GLCE: variants seen among roughly 807,000 people sequenced by gnomAD.
GLCE encodes the protein glucuronic acid epimerase.
Under a neutral mutation model 47.9 loss-of-function variants are expected in GLCE, and 19 were observed. The ratio of observed to expected loss-of-function variants is 0.40; its 90% CI spans 0.28 to 0.58. GLCE has a LOEUF of 0.58. Ranked by LOEUF, GLCE falls within the 20% of genes least tolerant of loss-of-function variation. GLCE has a pLI of 0.48. For synonymous variants in GLCE, 245 were observed against 263.4 expected, an observed-to-expected ratio of 0.93 and a Z score of 0.68; for missense variants, 556 against 743.3, an observed-to-expected ratio of 0.75 and a Z score of 2.93.
chr15:69,224,514 G>A (rs1267419001), intron 2 of GLCE, among the ~76,000 whole-genome samples: 1 of 152,132 alleles, frequency 6.6e-6, no homozygotes, highest in Non-Finnish European at 1.5e-5. Flanking sequence ...GGGAGCAGGG[G>A]GGCTCTTGCA....
At chr15:69,234,714 A>G (rs1045388778) in intron 2 of GLCE, among the ~76,000 whole-genome samples, 9 of 152,228 alleles carry the variant, frequency 5.9e-5, no homozygotes, top group African/African-American at 2.2e-4. Context: ...GGTCTTAAGC[A>G]GGAGGTTAAT....
intron 1 of GLCE, among the ~76,000 whole-genome samples, chr15:69,201,108 C>T (rs1415484685): frequency 1.3e-5 from 2 of 152,134 alleles, no homozygotes; most frequent in African/African-American, 4.8e-5. Context: ...CACCTTCTGT[C>T]TTCCTCTTCC....
chr15:69,227,768 C>T (rs1478432895), intron 2 of GLCE, among the ~76,000 whole-genome samples: 1 of 152,122 alleles, frequency 6.6e-6, no homozygotes, highest in East Asian at 1.9e-4. Flanking sequence ...TATAAAAGCA[C>T]ATTAAGGAAT....
At chr15:69,205,171 C>T (rs2052133432) in intron 1 of GLCE, among the ~76,000 whole-genome samples, 1 of 151,902 alleles carries the variant, frequency 6.6e-6, no homozygotes, top group South Asian at 2.1e-4. Context: ...CCCCCCCACC[C>T]CTCAATACCT....
chr15:69,226,225 A>G (rs996778109), intron 2 of GLCE, among the ~76,000 whole-genome samples: 2 of 152,240 alleles, frequency 1.3e-5, no homozygotes, highest in Non-Finnish European at 2.9e-5. Flanking sequence ...TCTATTCCAG[A>G]TTATGAACAT....
intron 2 of GLCE, among the ~76,000 whole-genome samples, chr15:69,247,413 G>C (rs1489700429): frequency 1.3e-5 from 2 of 152,154 alleles, no homozygotes; most frequent in Non-Finnish European, 2.9e-5. Context: ...ATTAGGCTTT[G>C]GCTTCAGGGA....
chr15:69,204,768 G>A (rs2052127123), intron 1 of GLCE, among the ~76,000 whole-genome samples: 2 of 152,000 alleles, frequency 1.3e-5, no homozygotes, highest in African/African-American at 4.8e-5. Context: ...TCAATTAGGT[G>A]GTATAGTGGT....
At chr15:69,162,866 G>A (rs760738799) in intron 1 of GLCE, among the ~76,000 whole-genome samples, 4 of 152,144 alleles carry the variant, frequency 2.6e-5, no homozygotes, top group African/African-American at 9.7e-5. Flanking sequence ...ATTTAGAGGC[G>A]TGAGTCACCA....
chr15:69,187,798 C>T (rs1224164501), intron 1 of GLCE, among the ~76,000 whole-genome samples: 1 of 152,142 alleles, frequency 6.6e-6, no homozygotes, highest in East Asian at 1.9e-4. Flanking sequence ...CATGGTGGCT[C>T]ACCTGTGCAA....
chr15:69,164,356 C>A (rs2051471007), intron 1 of GLCE, among the ~76,000 whole-genome samples: 1 of 151,822 alleles, frequency 6.6e-6, no homozygotes, highest in Non-Finnish European at 1.5e-5. Flanking sequence ...GACATGAATT[C>A]CAGTCTTCAC....
intron 1 of GLCE, among the ~76,000 whole-genome samples, chr15:69,183,431 T>C (rs2051778492): frequency 6.6e-6 from 1 of 152,200 alleles, no homozygotes; most frequent in Admixed American, 6.5e-5. Flanking sequence ...TGAGCCACCA[T>C]TATCAGGCCT....
Position 69,256,059 on chromosome 15 carries a change from C to T in GLCE, c.253C>T (p.Pro85Ser). 2 of 1,614,012 alleles carry T rather than the reference C, an allele frequency of 1.2e-6. No homozygotes were observed. Among genetic ancestry groups the T allele is most frequent in the Middle Eastern group, 1.7e-4 (1 of 6,060 alleles). Residue 85 changes from proline (P) to serine (S), a missense_variant, in exon 3 of 5, where the codon CCC (proline) becomes TCC (serine). Pro to Ser is a moderately conservative substitution (Grantham distance 74). This residue lies in a region of GLCE where 237 missense variants were observed against 310.9 expected (regional missense o/e 0.76). Transcript: ENST00000261858. ...ATTCCCTCAGGAACAGCAGAAAGCACCCCCTGTTGTTGGGGGCTTCAATAG... is the reference window on the plus strand; with the variant it reads ...ATTCCCTCAGGAACAGCAGAAAGCATCCCCTGTTGTTGGGGGCTTCAATAG... ...EAFPQEQQKA[P>S]PVVGGFNSNV...
intron 1 of GLCE, among the ~76,000 whole-genome samples, chr15:69,169,302 T>C (rs1387136377): frequency 6.6e-6 from 1 of 152,226 alleles, no homozygotes; most frequent in Admixed American, 6.5e-5. Flanking sequence ...ATTTTGTGCA[T>C]GTGTTTTGGT....
intron 1 of GLCE, among the ~76,000 whole-genome samples, chr15:69,180,847 T>C (rs904083489): frequency 2.0e-5 from 3 of 152,168 alleles, no homozygotes; most frequent in African/African-American, 7.2e-5. Flanking sequence ...AACAGAATAG[T>C]GACATGATTG....
rs35971019 is a variant in GLCE at position 69,250,805 on chromosome 15, TAA to T, written c.-13-4972_-13-4971del. Among the ~76,000 whole-genome samples the T allele has an allele frequency of 8.6e-3, 1,094 of 126,756 alleles. 22 individuals are homozygous for T. Among genetic ancestry groups the T allele is most frequent in the African/African-American group, 0.026 (921 of 35,426 alleles). The allele number at this position is 126,756 out of a possible 152,430, so 83.2% of individuals were successfully genotyped here. A position where few individuals can be genotyped will look rare whatever the true frequency, so the allele number is the denominator to read the frequency against. The stretch of plus-strand genomic sequence containing the variant: ...GCAAGCACATGCCATTTTTTATAGT[TAA>T]AAAAAAAAAAAAAAAACAGCGTGGT... On this transcript the variant is annotated intron_variant, in intron 2 of 4. Coordinates refer to ENST00000261858, the MANE Select transcript of GLCE (RefSeq NM_015554.3).
At chr15:69,252,675 G>A (rs2140434880) in intron 2 of GLCE, among the ~76,000 whole-genome samples, 1 of 152,090 alleles carries the variant, frequency 6.6e-6, no homozygotes, top group East Asian at 1.9e-4. Flanking sequence ...TCAAAGATAG[G>A]ATAAAAAGCT....
At chr15:69,190,661 A>T (rs2051899027) in intron 1 of GLCE, among the ~76,000 whole-genome samples, 1 of 152,150 alleles carries the variant, frequency 6.6e-6, no homozygotes. Context: ...TTTTATATTT[A>T]AAATGGGTTT....
At chr15:69,199,012 T>A (rs2052037458) in intron 1 of GLCE, among the ~76,000 whole-genome samples, 1 of 152,114 alleles carries the variant, frequency 6.6e-6, no homozygotes, top group Admixed American at 6.6e-5. Flanking sequence ...GCTTAACTTG[T>A]TGAATGAATT....
chr15:69,238,365 A>C (rs2052620087), intron 2 of GLCE, among the ~76,000 whole-genome samples: 1 of 152,118 alleles, frequency 6.6e-6, no homozygotes, highest in Admixed American at 6.6e-5. Context: ...CTATGTGCTC[A>C]CTAATAATTT....
Sources: gnomAD v4.1 joint callset for allele counts (sites outside exome capture counted in the v4.1 genomes callset) on GRCh38, gnomAD v4.1.1 for gene constraint, gnomAD v4.1.1 regional missense constraint, MANE v1.5 for transcripts, NCBI Gene and HGNC (gene_info 2026-07-23, HGNC 2026-07-21) for gene names.